The following SAMHD1 variants were observed in gnomAD, a reference collection of about 807,000 sequenced individuals.
SAMHD1 encodes the protein deoxynucleoside triphosphate triphosphohydrolase SAMHD1.
Under a neutral mutation model 79.6 loss-of-function variants are expected in SAMHD1, and 54 were observed. That is an observed-to-expected ratio of 0.68 (90% CI 0.55 to 0.85). The LOEUF is 0.85. SAMHD1 is among the 40% of genes least tolerant of loss of function. The pLI, the probability that SAMHD1 is intolerant of heterozygous loss-of-function variation, is 0.00. For synonymous variants in SAMHD1, 260 were observed against 264.1 expected (o/e 0.98, Z 0.15); for missense variants, 663 against 782.7 (o/e 0.85, Z 1.82).
intron 13 of SAMHD1, among the ~76,000 whole-genome samples, chr20:36,902,384 T>C (rs1990321846): frequency 1.3e-5 from 2 of 152,166 alleles, no homozygotes; most frequent in Admixed American, 6.5e-5. Context: ...GGTTTTGCCA[T>C]GTTGGCCAGG....
At position 36,935,019 on chromosome 20, in the gene SAMHD1, C is replaced by T. The variant is rs2146137336; in HGVS notation, c.509+10G>A. 2 of 1,613,628 alleles carry T rather than the reference C, an allele frequency of 1.2e-6. No individual in the cohort carries two copies. Among genetic ancestry groups the T allele is most frequent in the South Asian group, 2.2e-5 (2 of 91,056 alleles). On this transcript the variant is annotated intron_variant, in intron 4 of 15. Coordinates refer to ENST00000646673, the MANE Select transcript of SAMHD1 (RefSeq NM_015474.4). ...AAAACTGCAAGTTCCCCACCCCATT[C>T]CCTTCTTACCCTAGACTATGCTCAA...
At chr20:36,946,651 A>G in intron 2 of SAMHD1, 87 bp downstream of exon 2, 1 of 932,774 alleles carries the variant, frequency 1.1e-6, no homozygotes, top group Non-Finnish European at 1.7e-6. Flanking sequence ...AAATGAGGAC[A>G]GTTTATATCA....
At chr20:36,946,923 A>T in intron 1 of SAMHD1, 119 bp from the exon 2 acceptor site, 10 of 735,832 alleles carry the variant, frequency 1.4e-5, no homozygotes, top group Admixed American at 2.2e-5. Context: ...CAGGCAATGG[A>T]TTGTGCCAAG....
intron 13 of SAMHD1, among the ~76,000 whole-genome samples, chr20:36,898,937 A>G (rs1298113190): frequency 1.3e-5 from 2 of 150,996 alleles, no homozygotes; most frequent in African/African-American, 2.4e-5. Flanking sequence ...AAAAAGAAAG[A>G]AAGAAATGGA....
At chr20:36,920,754 ACT>A (rs1290823617) in intron 6 of SAMHD1, among the ~76,000 whole-genome samples, 15 of 118,124 alleles carry the variant, frequency 1.3e-4, no homozygotes, top group African/African-American at 3.9e-4. Flanking sequence ...ACAAAGTGAC[ACT>A]CTGTTTCAAA....
At chr20:36,949,482 C>T (rs528587782) in intron 1 of SAMHD1, among the ~76,000 whole-genome samples, 8 of 148,380 alleles carry the variant, frequency 5.4e-5, no homozygotes, top group South Asian at 4.2e-4. Context: ...TGAGGCCGGG[C>T]GCGGTGGCTC....
chr20:36,909,962 C>A (rs140975759), intron 11 of SAMHD1, among the ~76,000 whole-genome samples: 477 of 152,030 alleles, frequency 3.1e-3, no homozygotes, highest in Non-Finnish European at 4.4e-3. Context: ...CGGTGTCTCA[C>A]GCCTGTAATC....
In SAMHD1 at chr20:36,892,882, T is replaced by G; in HGVS notation, c.*50A>C. On this transcript the variant is annotated 3_prime_UTR_variant, in exon 16 of 16. Coordinates refer to ENST00000646673, the MANE Select transcript of SAMHD1 (RefSeq NM_015474.4). The stretch of plus-strand genomic sequence containing the variant: ...TGCAGAATTCTATGATTGAAGCCTC[T>G]AAATGAATTGTGCAGGAGAGGGAGT... 6.2e-7 allele frequency: 1 copy of G among 1,611,000 alleles called. No homozygotes were observed. The highest frequency in any genetic ancestry group is 8.5e-7 in the Non-Finnish European group (1 of 1,177,194).
At chr20:36,921,455 G>C (rs1036768130) in intron 6 of SAMHD1, among the ~76,000 whole-genome samples, 1 of 143,994 alleles carries the variant, frequency 6.9e-6, no homozygotes, top group East Asian at 2.1e-4. Flanking sequence ...AGGAAAAATA[G>C]TAACTTTATA....
rs1990075654 is a variant in SAMHD1, at chr20:36,891,615, GGGAAAAC to G, written c.*1310_*1316del. On this transcript the variant is annotated 3_prime_UTR_variant, in exon 16 of 16. Coordinates refer to ENST00000646673, the MANE Select transcript of SAMHD1 (RefSeq NM_015474.4). ...CCAAGGTGGTGCCCACTCCACTGCT[GGGAAAAC>G]GAAGTTACCTAGCGGAGCCTGGAGC... The G allele has an allele frequency of 6.6e-6, 1 of 152,292 alleles. No individual in the cohort carries two copies. The highest frequency in any genetic ancestry group is 2.1e-4 in the South Asian group (1 of 4,836). The allele number at this position is 152,292 out of a possible 1,614,324, so 9.4% of individuals were successfully genotyped here. A position where few individuals can be genotyped will look rare whatever the true frequency, so the allele number is the denominator to read the frequency against.
intron 6 of SAMHD1, among the ~76,000 whole-genome samples, chr20:36,923,635 C>A (rs1205467385): frequency 6.6e-6 from 1 of 151,934 alleles, no homozygotes; most frequent in Non-Finnish European, 1.5e-5. Context: ...CAAGCCTAGG[C>A]AACATAGTAA....
At chr20:36,949,460 A>G (rs2063717923) in intron 1 of SAMHD1, among the ~76,000 whole-genome samples, 1 of 148,338 alleles carries the variant, frequency 6.7e-6, no homozygotes, top group South Asian at 2.1e-4. Flanking sequence ...CTAATTAAAA[A>G]AAAAAAAAAA....
Position 36,898,450 on chromosome 20 carries a change from G to C in SAMHD1, c.1598C>G (p.Thr533Ser). 1.9e-6 allele frequency: 3 copies of C among 1,612,472 alleles called. No individual in the cohort carries two copies. The highest frequency in any genetic ancestry group is 2.5e-6 in the Non-Finnish European group (3 of 1,178,566). The change falls in exon 14 of 16, where the codon ACT becomes AGT. Residue 533 changes from threonine (T) to serine (S), a missense_variant. Physicochemically the swap from Thr to Ser is moderately conservative, Grantham distance 58 (BLOSUM62 1). Transcript: ENST00000646673. Reference protein sequence around the residue: ...KTAPNRAIRITKNQVSQLLPE... With the variant: ...KTAPNRAIRISKNQVSQLLPE... The stretch of plus-strand genomic sequence containing the variant: ...TGCCTAAGTAGTTACCTGGTTTTTA[G>C]TAATCCTGATTGCTCTGTTGGGGGC...
chr20:36,951,545 G>A lies in SAMHD1; in HGVS notation c.99C>T (p.Ser33=), dbSNP rs1014839218. Residue 33 remains serine, a synonymous_variant, in exon 1 of 16, where the codon TCC becomes TCT. Transcript: ENST00000646673. ...AGTCGGGATGGAGTTCCAGGCCCGG[G>A]GACCAGTCTGCCTCTGCGGAAGGGG... is the stretch of plus-strand genomic sequence containing the variant. ...SNTPSAEADW[S]PGLELHPDYK... The A allele has an allele frequency of 1.9e-6, 3 of 1,614,196 alleles. No homozygotes were observed. The highest frequency in any genetic ancestry group is 1.3e-5 in the African/African-American group (1 of 75,068).
chr20:36,906,776 C>CAT (rs1180995226), intron 11 of SAMHD1, among the ~76,000 whole-genome samples: 24 of 150,760 alleles, frequency 1.6e-4, no homozygotes, highest in African/African-American at 3.9e-4. Context: ...GCGCTTTCTC[C>CAT]ATATATATAT....
chr20:36,894,561 G>T (rs961609085), intron 15 of SAMHD1, among the ~76,000 whole-genome samples: 1 of 151,442 alleles, frequency 6.6e-6, no homozygotes, highest in Admixed American at 6.6e-5. Flanking sequence ...GAGGTCGGGA[G>T]TTCAAGACCA....
chr20:36,897,868 T>C lies in SAMHD1; in HGVS notation c.1700A>G (p.Gln567Arg). The change falls in exon 15 of 16, where the codon CAA (glutamine) becomes CGA (arginine). Residue 567 changes from glutamine (Q) to arginine (R), a missense_variant. Transcript: ENST00000646673. ...GTCTGCACACCACTGAACAAAATAT[T>C]GTCTTGCGGCATACAAACTCTTTCT... is the stretch of plus-strand genomic sequence containing the variant. ...VDRKSLYAAR[Q>R]YFVQWCADRN... The C allele has an allele frequency of 6.2e-7, 1 of 1,614,212 alleles. No individual in the cohort carries two copies. The highest frequency in any genetic ancestry group is 8.5e-7 in the Non-Finnish European group (1 of 1,180,042).
intron 4 of SAMHD1, among the ~76,000 whole-genome samples, chr20:36,933,768 C>T (rs1337898402): frequency 6.6e-6 from 1 of 152,042 alleles, no homozygotes; most frequent in African/African-American, 2.4e-5. Flanking sequence ...TGAGATTGGC[C>T]GGGCACGGTG....
At chr20:36,948,567 TAGAA>T (rs1216165655) in intron 1 of SAMHD1, among the ~76,000 whole-genome samples, 3 of 151,386 alleles carry the variant, frequency 2.0e-5, no homozygotes, top group African/African-American at 7.3e-5. Flanking sequence ...GAAACTTTAT[TAGAA>T]AGAAAGACTA....
Sources: allele counts gnomAD v4.1 joint callset (sites outside exome capture counted in the v4.1 genomes callset), GRCh38; gene constraint gnomAD v4.1.1; transcripts MANE v1.5; gene names NCBI Gene and HGNC (gene_info 2026-07-23, HGNC 2026-07-21).